EPN1: variants seen among roughly 807,000 people sequenced by gnomAD.
EPN1 encodes the protein epsin-1.
Under a neutral mutation model 56.9 loss-of-function variants are expected in EPN1, and 25 were observed. That is an observed-to-expected ratio of 0.44 (90% CI 0.32 to 0.61). EPN1 has a LOEUF of 0.61. Ranked by LOEUF, EPN1 falls within the 20% of genes least tolerant of loss-of-function variation. EPN1 has a pLI of 0.05. For synonymous variants in EPN1, 411 were observed against 361.8 expected (o/e 1.14, Z -1.54); for missense variants, 785 against 823.7 (o/e 0.95, Z 0.58).
chr19:55,676,511 T>C (rs1017620461), intron 1 of EPN1: 2 of 152,268 alleles, frequency 1.3e-5, no homozygotes, highest in Non-Finnish European at 2.9e-5. Flanking sequence ...ATGTTCTCTG[T>C]TTTTTCTCTG....
Position 55,678,738 on chromosome 19 carries a change from C to T in EPN1, c.111C>T (p.Ser37=). The T allele has an allele frequency of 6.2e-7, 1 of 1,614,174 alleles. No homozygotes were observed. The highest frequency in any genetic ancestry group is 8.5e-7 in the Non-Finnish European group (1 of 1,180,026). The change falls in exon 2 of 11, where the codon AGC becomes AGT. Residue 37 remains serine, a synonymous_variant. Transcript: ENST00000270460. ...ATSNDPWGPS[S]SLMSEIADLT... is the part of the protein sequence containing the mutation. ...GCAATGACCCCTGGGGCCCATCCAG[C>T]TCCCTCATGTCAGAGATTGCCGACC...
At position 55,709,069 on chromosome 19, in the gene EPN1, T is replaced by G; in HGVS notation, c.*13713T>G. The G allele has an allele frequency of 6.5e-7, 1 of 1,548,536 alleles. No homozygotes were observed. Among genetic ancestry groups the G allele is most frequent in the Non-Finnish European group, 8.6e-7 (1 of 1,156,492 alleles). ...CCTGGGAAAATAGAAATAAAGTTTT[T>G]TTTTTTGTTTTTCATTTTTACACAG... On this transcript the variant is annotated 3_prime_UTR_variant, in exon 11 of 11. Coordinates refer to ENST00000270460, the MANE Select transcript of EPN1 (RefSeq NM_001130072.2).
intron 2 of EPN1, among the ~76,000 whole-genome samples, chr19:55,684,782 G>C (rs1196926010): frequency 6.6e-6 from 1 of 152,212 alleles, no homozygotes; most frequent in Admixed American, 6.5e-5. Context: ...TGGTTTTCTT[G>C]GCCATGTTAC....
At chr19:55,692,153 C>A in intron 7 of EPN1, 96 bp downstream of exon 7, 1 of 1,242,090 alleles carries the variant, frequency 8.1e-7, no homozygotes, top group Non-Finnish European at 1.0e-6. Context: ...GAGCCAGTGG[C>A]GCCGGGCAGT....
chr19:55,693,070 G>A (rs371596205), intron 9 of EPN1, 33 bp downstream of exon 9: 3 of 1,595,724 alleles, frequency 1.9e-6, no homozygotes, highest in East Asian at 2.2e-5. Flanking sequence ...CCAGTGGCGA[G>A]AGGGAGCCTC....
At chr19:55,684,512 A>G (rs1179322680) in intron 2 of EPN1, among the ~76,000 whole-genome samples, 1 of 152,122 alleles carries the variant, frequency 6.6e-6, no homozygotes, top group African/African-American at 2.4e-5. Flanking sequence ...TTTTCGTATT[A>G]TAAAATACAA....
intron 1 of EPN1, chr19:55,677,108 C>A (rs781653460): frequency 6.5e-7 from 1 of 1,549,986 alleles, no homozygotes; most frequent in Non-Finnish European, 8.7e-7. Flanking sequence ...TCCCTATCTC[C>A]CCTGGGCTTA....
At position 55,696,377 on chromosome 19, in the gene EPN1, G is replaced by T. The variant is rs1357293434; in HGVS notation, c.*1021G>T. 2 of 152,356 alleles carry T rather than the reference G, an allele frequency of 1.3e-5. No homozygotes were observed. Among genetic ancestry groups the T allele is most frequent in the Admixed American group, 6.5e-5 (1 of 15,284 alleles). 9.4% of individuals were successfully genotyped at this position (152,356 alleles called of 1,614,324 possible). On this transcript the variant is annotated 3_prime_UTR_variant, in exon 11 of 11. Coordinates refer to ENST00000270460, the MANE Select transcript of EPN1 (RefSeq NM_001130072.2). ...CATCTCCAGGGCTAGGTGACAGCTT[G>T]TTGCAGGCCCCACAGCCAGGGCCTC...
In EPN1 at chr19:55,700,539, C is replaced by A. The variant is rs771996237; in HGVS notation, c.*5183C>A. The A allele has an allele frequency of 6.6e-6, 1 of 152,024 alleles. No homozygotes were observed. The highest frequency in any genetic ancestry group is 6.5e-5 in the Admixed American group (1 of 15,294). 9.4% of individuals were successfully genotyped at this position (152,024 alleles called of 1,614,324 possible). A position where few individuals can be genotyped will look rare whatever the true frequency, so the allele number is the denominator to read the frequency against. On this transcript the variant is annotated 3_prime_UTR_variant, in exon 11 of 11. Transcript: ENST00000270460. Reference sequence around the variant, plus strand: ...CCTCCCAAAGTGCTGGGATTACAGGCGTGAGCCACGGCACCCGGCCCATAA... The same window carrying A: ...CCTCCCAAAGTGCTGGGATTACAGGAGTGAGCCACGGCACCCGGCCCATAA...
chr19:55,684,092 T>G (rs1408705165), intron 2 of EPN1, among the ~76,000 whole-genome samples: 1 of 152,194 alleles, frequency 6.6e-6, no homozygotes, highest in Non-Finnish European at 1.5e-5. Flanking sequence ...GTAAATACCT[T>G]GAGGGCCGGT....
At position 55,700,539 on chromosome 19, in the gene EPN1, C is replaced by G. The variant is rs771996237; in HGVS notation, c.*5183C>G. 6.6e-6 allele frequency: 1 copy of G among 151,908 alleles called. No homozygotes were observed. Among genetic ancestry groups the G allele is most frequent in the Non-Finnish European group, 1.5e-5 (1 of 68,062 alleles). The allele number at this position is 151,908 out of a possible 1,614,324, so 9.4% of individuals were successfully genotyped here. A position where few individuals can be genotyped will look rare whatever the true frequency, so the allele number is the denominator to read the frequency against. On this transcript the variant is annotated 3_prime_UTR_variant, in exon 11 of 11. Coordinates refer to ENST00000270460, the MANE Select transcript of EPN1 (RefSeq NM_001130072.2). Reference sequence around the variant, plus strand: ...CCTCCCAAAGTGCTGGGATTACAGGCGTGAGCCACGGCACCCGGCCCATAA... The same window carrying G: ...CCTCCCAAAGTGCTGGGATTACAGGGGTGAGCCACGGCACCCGGCCCATAA...
At position 55,691,648 on chromosome 19, in the gene EPN1, G is replaced by A. The variant is rs572962877; in HGVS notation, c.763-106G>A. On this transcript the variant is annotated intron_variant, in intron 6 of 10. Transcript: ENST00000270460. This position sits in a 1 kb window ranked among gnomAD's most constrained non-coding sequence, Gnocchi z 5.6. The stretch of plus-strand genomic sequence containing the variant: ...CACCCCTTATGGATGGCTGCTGTCT[G>A]GACACCCAGGGCCTGGCCGCCTCCC... The A allele has an allele frequency of 1.1e-4, 108 of 941,664 alleles. No individual in the cohort carries two copies. The African/African-American group carries it at 1.6e-3, about 14-fold the overall frequency. 58.3% of individuals were successfully genotyped at this position (941,664 alleles called of 1,614,324 possible). A position where few individuals can be genotyped will look rare whatever the true frequency, so the allele number is the denominator to read the frequency against.
intron 2 of EPN1, among the ~76,000 whole-genome samples, chr19:55,679,612 C>G (rs1231865511): frequency 6.6e-6 from 1 of 152,188 alleles, no homozygotes; most frequent in Non-Finnish European, 1.5e-5. Context: ...TAGACCTGGG[C>G]CTGCTCTGGC....
intron 2 of EPN1, among the ~76,000 whole-genome samples, chr19:55,682,271 C>G (rs985992754): frequency 1.8e-4 from 27 of 152,198 alleles, no homozygotes; most frequent in African/African-American, 5.6e-4. Context: ...CTCAGGAGAC[C>G]TGTCTCCCAC....
chr19:55,695,714 T>G lies in EPN1; in HGVS notation c.*358T>G. The G allele has an allele frequency of 4.2e-6, 1 of 240,774 alleles. No homozygotes were observed. The highest frequency in any genetic ancestry group is 8.1e-6 in the Non-Finnish European group (1 of 124,196). The allele number at this position is 240,774 out of a possible 1,614,324, so 14.9% of individuals were successfully genotyped here. On this transcript the variant is annotated 3_prime_UTR_variant, in exon 11 of 11. Coordinates refer to ENST00000270460, the MANE Select transcript of EPN1 (RefSeq NM_001130072.2). This position sits in a 1 kb window ranked among gnomAD's most constrained non-coding sequence, Gnocchi z 4.4. The stretch of plus-strand genomic sequence containing the variant: ...CGCTCACGCACCCTCGGTGAATCCT[T>G]GGTGATGATTTTGGCAACTTTGGGA...
chr19:55,677,117 T>C, intron 1 of EPN1: 1 of 1,550,936 alleles, frequency 6.4e-7, no homozygotes, highest in Non-Finnish European at 8.7e-7. Context: ...CCCCTGGGCT[T>C]ACATCATGGC....
chr19:55,692,822 G>T (rs753421071), intron 8 of EPN1, 26 bp downstream of exon 8: 6 of 1,582,696 alleles, frequency 3.8e-6, no homozygotes, highest in Non-Finnish European at 4.3e-6. Flanking sequence ...TGGGAATGGA[G>T]CCCCGGGTGG....
At position 55,695,364 on chromosome 19, in the gene EPN1, C is replaced by A. The variant is rs762490629; in HGVS notation, c.*8C>A. 7.0e-7 allele frequency: 1 copy of A among 1,434,554 alleles called. No individual in the cohort carries two copies. The highest frequency in any genetic ancestry group is 1.2e-5 in the South Asian group (1 of 80,778). 88.9% of individuals were successfully genotyped at this position (1,434,554 alleles called of 1,614,324 possible). On this transcript the variant is annotated 3_prime_UTR_variant, in exon 11 of 11. Coordinates refer to ENST00000270460, the MANE Select transcript of EPN1 (RefSeq NM_001130072.2). The surrounding 1 kb of genome is among the most constrained non-coding windows in gnomAD (Gnocchi z 4.4). ...AATCCCTTCCTCCTATAATCCAGGG[C>A]GGAAGGGGGCCTGGCTCCATCCGGC...
Position 55,689,427 on chromosome 19 carries a change from C to G in EPN1, c.678+56C>G. The G allele has an allele frequency of 7.2e-7, 1 of 1,381,924 alleles. No individual in the cohort carries two copies. Among genetic ancestry groups the G allele is most frequent in the South Asian group, 1.2e-5 (1 of 80,832 alleles). The allele number at this position is 1,381,924 out of a possible 1,614,324, so 85.6% of individuals were successfully genotyped here. A position where few individuals can be genotyped will look rare whatever the true frequency, so the allele number is the denominator to read the frequency against. ...CCAGGGGCTCCCCTCAGACCAGCCC[C>G]GTCGCCCCTTCCTAAGTCACCCCCC... On this transcript the variant is annotated intron_variant, in intron 5 of 10. Transcript: ENST00000270460. The surrounding 1 kb of genome is among the most constrained non-coding windows in gnomAD (Gnocchi z 5.7).
Sources: allele counts gnomAD v4.1 joint callset (sites outside exome capture counted in the v4.1 genomes callset), GRCh38; gene constraint gnomAD v4.1.1; non-coding constraint Gnocchi (gnomAD v3.1); transcripts MANE v1.5; gene names NCBI Gene and HGNC (gene_info 2026-07-23, HGNC 2026-07-21).